The following ARHGEF3 variants were observed in gnomAD, a reference collection of about 807,000 sequenced individuals.
The protein encoded by ARHGEF3 is Rho guanine nucleotide exchange factor 3.
A neutral mutation model predicts 63.2 loss-of-function variants in ARHGEF3; 28 were observed. The ratio of observed to expected loss-of-function variants is 0.44; its 90% confidence interval spans 0.33 to 0.61. The LOEUF (loss-of-function observed/expected upper bound fraction) is 0.61, where lower values mean the gene tolerates loss of function less well. ARHGEF3 is among the 20% of genes least tolerant of loss of function. The pLI is 0.03. For synonymous variants in ARHGEF3, 266 were observed against 254.2 expected (o/e 1.05, Z -0.44); for missense variants, 533 against 659.3 (o/e 0.81, Z 2.10).
intron 1 of ARHGEF3, among the ~76,000 whole-genome samples, chr3:56,776,880 C>T (rs756288903): frequency 5.9e-5 from 9 of 151,844 alleles, no homozygotes; most frequent in South Asian, 4.1e-4. Flanking sequence ...CCCCCCACCA[C>T]GTGATTTTAA....
chr3:57,067,823 A>AC (rs1579209738), intron 1 of ARHGEF3, among the ~76,000 whole-genome samples: 1 of 151,232 alleles, frequency 6.6e-6, no homozygotes, highest in African/African-American at 2.4e-5. Context: ...ACTAAAAAAA[A>AC]AAAACAAAAC....
chr3:56,914,890 T>G (rs1306788804), intron 3 of ARHGEF3, among the ~76,000 whole-genome samples: 3 of 152,168 alleles, frequency 2.0e-5, no homozygotes, highest in African/African-American at 7.2e-5. Flanking sequence ...AGTTTCAGTT[T>G]GCAAGGTGAA....
At chr3:56,981,728 G>T (rs1326263084) in intron 2 of ARHGEF3, among the ~76,000 whole-genome samples, 1 of 152,200 alleles carries the variant, frequency 6.6e-6, no homozygotes, top group Admixed American at 6.5e-5. Context: ...AAGCTCACAT[G>T]GTCTGTTGGT....
At chr3:56,946,494 A>G (rs1699505834) in intron 3 of ARHGEF3, among the ~76,000 whole-genome samples, 1 of 152,268 alleles carries the variant, frequency 6.6e-6, no homozygotes, top group African/African-American at 2.4e-5. Context: ...TAGCCTCAGC[A>G]GCCGATTCGA....
At chr3:56,768,165 T>C (rs1001758046) in intron 2 of ARHGEF3, among the ~76,000 whole-genome samples, 6 of 152,046 alleles carry the variant, frequency 3.9e-5, no homozygotes, top group Admixed American at 3.3e-4. Context: ...CAAGCAATTC[T>C]GCCTGCCTCA....
At chr3:57,024,133 A>C (rs567187827) in intron 2 of ARHGEF3, among the ~76,000 whole-genome samples, 7 of 152,088 alleles carry the variant, frequency 4.6e-5, no homozygotes, top group African/African-American at 1.7e-4. Flanking sequence ...TACACACAGC[A>C]CTCGGGAACC....
chr3:56,797,258 G>C (rs755161399), intron 1 of ARHGEF3, among the ~76,000 whole-genome samples: 29 of 152,180 alleles, frequency 1.9e-4, no homozygotes, highest in Non-Finnish European at 2.6e-4. Context: ...CCCTTGAACA[G>C]CATTAAATGT....
intron 2 of ARHGEF3, among the ~76,000 whole-genome samples, chr3:56,979,303 A>G (rs541269281): frequency 6.6e-6 from 1 of 152,232 alleles, no homozygotes; most frequent in Non-Finnish European, 1.5e-5. Flanking sequence ...CCATTTTGCA[A>G]CTGAGTAAAC....
chr3:57,026,086 G>A (rs760705862), intron 2 of ARHGEF3, among the ~76,000 whole-genome samples: 2 of 152,074 alleles, frequency 1.3e-5, no homozygotes, highest in Non-Finnish European at 1.5e-5. Flanking sequence ...TATGAGCCTA[G>A]TGAGCCCATA....
At chr3:57,025,760 T>C (rs1213487351) in intron 2 of ARHGEF3, among the ~76,000 whole-genome samples, 1 of 152,168 alleles carries the variant, frequency 6.6e-6, no homozygotes, top group African/African-American at 2.4e-5. Context: ...GCACGGACTC[T>C]ATTAGATTGT....
intron 2 of ARHGEF3, among the ~76,000 whole-genome samples, chr3:57,017,632 T>C (rs1579100362): frequency 6.6e-6 from 1 of 152,352 alleles, no homozygotes; most frequent in East Asian, 1.9e-4. Flanking sequence ...GCTCCACGTC[T>C]GCAAGGACAG....
At position 56,847,203 on chromosome 3, in the gene ARHGEF3, G is replaced by T. The variant is rs1395765439; in HGVS notation, c.192+35089C>A. Among the ~76,000 whole-genome samples, 5 of 152,174 alleles carry T rather than the reference G, an allele frequency of 3.3e-5. No homozygotes were observed. In the East Asian group the frequency reaches 7.7e-4, roughly 23 times the overall value. ...CTACAGATAGAAAGATTCACAAGAA[G>T]AATTGTAACTCAGGGGTAATGTGGT... On this transcript the variant is annotated intron_variant, in intron 4 of 12. Coordinates refer to the ARHGEF3 transcript ENST00000338458.
At chr3:56,981,981 T>G (rs1339254015) in intron 2 of ARHGEF3, among the ~76,000 whole-genome samples, 4 of 152,332 alleles carry the variant, frequency 2.6e-5, no homozygotes, top group South Asian at 4.1e-4. Flanking sequence ...ACCTGGCCTG[T>G]TCAGTGGGAG....
chr3:56,778,092 G>A (rs939030151), intron 1 of ARHGEF3, among the ~76,000 whole-genome samples: 1 of 152,168 alleles, frequency 6.6e-6, no homozygotes, highest in Admixed American at 6.5e-5. Context: ...TTGTCCTCAT[G>A]TTAAATAGGA....
intron 2 of ARHGEF3, among the ~76,000 whole-genome samples, chr3:56,997,661 T>C (rs1702045775): frequency 1.3e-5 from 2 of 152,080 alleles, no homozygotes; most frequent in African/African-American, 4.8e-5. Flanking sequence ...ACGTATGCCT[T>C]TGCCCTGATC....
chr3:56,908,201 C>T (rs1384814788), intron 3 of ARHGEF3, among the ~76,000 whole-genome samples: 19 of 152,206 alleles, frequency 1.2e-4, no homozygotes, highest in Admixed American at 1.2e-3. Context: ...ACACCAGTGA[C>T]CCCGAGCGGG....
At chr3:56,913,375 T>C (rs931012811) in intron 3 of ARHGEF3, among the ~76,000 whole-genome samples, 10 of 152,046 alleles carry the variant, frequency 6.6e-5, no homozygotes, top group Admixed American at 1.3e-4. Context: ...AAAGAAGACA[T>C]ACAAATGGCC....
rs778741227 is a variant in ARHGEF3, at chr3:56,755,168, A to G, written c.205-17T>C. ...AATGGAGCGCTAAACAATGAGAAAA[A>G]CAAACCATCACGGGGGCAGCGGCAG... On this transcript the variant is annotated splice_polypyrimidine_tract_variant and intron_variant, in intron 2 of 9. Transcript: ENST00000296315. The G allele has an allele frequency of 3.1e-6, 5 of 1,610,362 alleles. No individual in the cohort carries two copies. The highest frequency in any genetic ancestry group is 1.3e-5 in the African/African-American group (1 of 74,984).
intron 7 of ARHGEF3, among the ~76,000 whole-genome samples, chr3:56,743,016 C>CT (rs1259445471): frequency 6.6e-6 from 1 of 152,202 alleles, no homozygotes; most frequent in African/African-American, 2.4e-5. Flanking sequence ...AAAGTCATGA[C>CT]TTTGAGTAGC....
Sources: allele counts gnomAD v4.1 joint callset (sites outside exome capture counted in the v4.1 genomes callset), GRCh38; gene constraint gnomAD v4.1.1; transcripts MANE v1.5; gene names NCBI Gene and HGNC (gene_info 2026-07-23, HGNC 2026-07-21).